The following RPS6KC1 variants were observed in gnomAD, a reference collection of about 807,000 sequenced individuals.
The protein encoded by RPS6KC1 is inactive ribosomal protein S6 kinase delta-1.
A neutral mutation model predicts 103.8 loss-of-function variants in RPS6KC1; 54 were observed. The observed-to-expected ratio is 0.52, with a 90% confidence interval of 0.42 to 0.65. RPS6KC1 has a LOEUF of 0.65. Among genes scored for constraint, RPS6KC1 ranks in the 30% least tolerant of loss-of-function variants. The pLI is 0.00. For missense variants in RPS6KC1, 1,151 were observed against 1,253.8 expected (o/e 0.92, Z 1.24); for synonymous variants, 439 against 438.7 (o/e 1.00, Z -0.01).
At chr1:213,139,379 C>G (rs1306855122) in intron 6 of RPS6KC1, among the ~76,000 whole-genome samples, 2 of 151,912 alleles carry the variant, frequency 1.3e-5, no homozygotes, top group African/African-American at 4.8e-5. Context: ...GTTTTTGTTG[C>G]AAATTTTTTT....
the RPS6KC1 span, among the ~76,000 whole-genome samples, chr1:213,737,922 G>C: frequency 6.6e-6 from 1 of 152,230 alleles, no homozygotes; most frequent in African/African-American, 2.4e-5. Flanking sequence ...TCTCGGAACA[G>C]TTTGATTTGC....
chr1:213,789,512 G>A, the RPS6KC1 span, among the ~76,000 whole-genome samples: 8 of 152,144 alleles, frequency 5.3e-5, no homozygotes, highest in Non-Finnish European at 1.0e-4. Flanking sequence ...GATCTGTCCT[G>A]ACACGTAGCT....
rs940859222 is a variant in RPS6KC1 at position 213,068,411 on chromosome 1, G to A, written c.106-2595G>A. Among the ~76,000 whole-genome samples the A allele has an allele frequency of 4.2e-5, 6 of 143,568 alleles. No homozygotes were observed. In the East Asian group the frequency reaches 1.3e-3, roughly 31 times the overall value. 94.2% of individuals were successfully genotyped at this position (143,568 alleles called of 152,430 possible). On this transcript the variant is annotated intron_variant, in intron 1 of 14. Coordinates refer to ENST00000366960, the MANE Select transcript of RPS6KC1 (RefSeq NM_012424.6). ...AGGCAGGAGAATCACTTGAACACAG[G>A]AGGTGGAGGTTGCAGTGAGCCAAGA... is the stretch of plus-strand genomic sequence containing the variant.
At chr1:213,248,789 T>C (rs936383064) in intron 12 of RPS6KC1, among the ~76,000 whole-genome samples, 1 of 152,168 alleles carries the variant, frequency 6.6e-6, no homozygotes, top group Non-Finnish European at 1.5e-5. Context: ...ATGCGATTTG[T>C]CTCTAGTGGT....
chr1:213,575,544 A>G, the RPS6KC1 span, among the ~76,000 whole-genome samples: 19 of 152,208 alleles, frequency 1.2e-4, no homozygotes, highest in African/African-American at 4.6e-4. Flanking sequence ...CATTTTGCTT[A>G]GCACTTCTCC....
At chr1:213,555,994 A>C in the RPS6KC1 span, among the ~76,000 whole-genome samples, 10 of 152,236 alleles carry the variant, frequency 6.6e-5, no homozygotes, top group African/African-American at 2.2e-4. Context: ...TTCAAAAATC[A>C]GAGCCACTGC....
At chr1:213,519,610 A>G in the RPS6KC1 span, among the ~76,000 whole-genome samples, 2 of 152,190 alleles carry the variant, frequency 1.3e-5, no homozygotes, top group Non-Finnish European at 2.9e-5. Flanking sequence ...TTTCACAGCC[A>G]TAGCAGCTGC....
chr1:213,746,155 A>G, the RPS6KC1 span, among the ~76,000 whole-genome samples: 4 of 152,200 alleles, frequency 2.6e-5, no homozygotes, highest in Admixed American at 6.5e-5. Context: ...AATAAACAGC[A>G]CATTCTCATA....
the RPS6KC1 span, among the ~76,000 whole-genome samples, chr1:213,518,572 G>T: frequency 7.2e-5 from 11 of 152,146 alleles, no homozygotes; most frequent in Non-Finnish European, 1.3e-4. Context: ...TAATTAATTT[G>T]TTCTTTAAAG....
chr1:213,137,799 A>ATATATT (rs1572765998), intron 6 of RPS6KC1, among the ~76,000 whole-genome samples: 3 of 13,986 alleles, frequency 2.1e-4, no homozygotes, highest in Admixed American at 1.2e-3. Context: ...ATATATATAT[A>ATATATT]TTTTTTTTTT....
chr1:213,766,243 G>A, the RPS6KC1 span, among the ~76,000 whole-genome samples: 3 of 152,104 alleles, frequency 2.0e-5, no homozygotes, highest in Non-Finnish European at 2.9e-5. Context: ...CTTTCCTCCC[G>A]AGTCTTAAAA....
chr1:213,160,107 T>A (rs2090315426), intron 6 of RPS6KC1, among the ~76,000 whole-genome samples: 1 of 152,204 alleles, frequency 6.6e-6, no homozygotes, highest in Non-Finnish European at 1.5e-5. Flanking sequence ...GTTCAGCTTA[T>A]TTGTTCTCTC....
At chr1:213,079,786 C>A (rs1362657732) in intron 3 of RPS6KC1, among the ~76,000 whole-genome samples, 1 of 151,876 alleles carries the variant, frequency 6.6e-6, no homozygotes, top group Non-Finnish European at 1.5e-5. Flanking sequence ...TTGAAGAATG[C>A]ACGATAAAAA....
the RPS6KC1 span, among the ~76,000 whole-genome samples, chr1:213,348,460 C>G: frequency 6.6e-6 from 1 of 152,156 alleles, no homozygotes; most frequent in Non-Finnish European, 1.5e-5. Context: ...ACTGTTCTTG[C>G]TCTTAAAAGA....
chr1:213,541,354 A>G, the RPS6KC1 span, among the ~76,000 whole-genome samples: 1 of 151,954 alleles, frequency 6.6e-6, no homozygotes, highest in Non-Finnish European at 1.5e-5. Flanking sequence ...AGTGTTTGAC[A>G]TATTGTGAGA....
intron 5 of RPS6KC1, among the ~76,000 whole-genome samples, chr1:213,118,013 C>A (rs1490134619): frequency 6.0e-5 from 1 of 16,742 alleles, no homozygotes; most frequent in Admixed American, 3.9e-4. Flanking sequence ...CAAAGCAAGA[C>A]TTTGTCTCAA....
intron 6 of RPS6KC1, among the ~76,000 whole-genome samples, chr1:213,141,015 A>C: frequency 6.7e-6 from 1 of 150,170 alleles, no homozygotes; most frequent in East Asian, 2.0e-4. Flanking sequence ...TCTTGCCTCA[A>C]CCTCCCAAGT....
chr1:213,540,899 T>C, the RPS6KC1 span, among the ~76,000 whole-genome samples: 1 of 152,126 alleles, frequency 6.6e-6, no homozygotes, highest in Non-Finnish European at 1.5e-5. Flanking sequence ...AGATTCCATC[T>C]CAAGAAATCC....
intron 12 of RPS6KC1, among the ~76,000 whole-genome samples, chr1:213,252,178 C>G (rs553319170): frequency 2.0e-5 from 3 of 152,184 alleles, no homozygotes; most frequent in Non-Finnish European, 4.4e-5. Context: ...ACAGCAAGAG[C>G]TGGTGAGAGA....
Sources: gnomAD v4.1 joint callset for allele counts (sites outside exome capture counted in the v4.1 genomes callset) on GRCh38, gnomAD v4.1.1 for gene constraint, MANE v1.5 for transcripts, NCBI Gene and HGNC (gene_info 2026-07-23, HGNC 2026-07-21) for gene names.